The following COL25A1 variants were observed in gnomAD, a reference collection of about 807,000 sequenced individuals.
COL25A1 encodes collagen alpha-1(XXV) chain.
COL25A1 carries 103 observed loss-of-function variants against 128.4 expected under a neutral mutation model. The ratio of observed to expected loss-of-function variants is 0.80; its 90% CI spans 0.68 to 0.94. The LOEUF (loss-of-function observed/expected upper bound fraction) is 0.94, where lower values mean the gene tolerates loss of function less well. COL25A1 is among the 40% of genes least tolerant of loss of function. COL25A1 has a pLI of 0.00. For missense variants in COL25A1, 745 were observed against 840.0 expected (o/e 0.89, Z 1.40); for synonymous variants, 279 against 277.2 (o/e 1.01, Z -0.06).
At chr4:108,972,848 A>C (rs1281229478) in intron 8 of COL25A1, among the ~76,000 whole-genome samples, 1 of 152,178 alleles carries the variant, frequency 6.6e-6, no homozygotes, top group Non-Finnish European at 1.5e-5. Context: ...CTTAGTTTGT[A>C]ATGCAACATG....
At chr4:109,180,834 TTAAA>T (rs1237137435) in intron 3 of COL25A1, among the ~76,000 whole-genome samples, 1 of 152,172 alleles carries the variant, frequency 6.6e-6, no homozygotes, top group African/African-American at 2.4e-5. Context: ...AATGAAAAGA[TTAAA>T]TATTCATTGG....
At chr4:109,219,478 CT>C (rs1778270469) in intron 3 of COL25A1, among the ~76,000 whole-genome samples, 1 of 151,914 alleles carries the variant, frequency 6.6e-6, no homozygotes, top group Non-Finnish European at 1.5e-5. Flanking sequence ...CCCTATGTTC[CT>C]TGCTTCTTCC....
At chr4:108,830,070 C>T (rs1036453140) in intron 32 of COL25A1, among the ~76,000 whole-genome samples, 2 of 152,150 alleles carry the variant, frequency 1.3e-5, no homozygotes, top group Non-Finnish European at 2.9e-5. Context: ...ATTGTGTAAG[C>T]CATTTTGAAT....
chr4:108,819,261 A>C lies in COL25A1; in HGVS notation c.1914T>G (p.Pro638=). The C allele has an allele frequency of 1.9e-6, 3 of 1,608,454 alleles. No homozygotes were observed. The highest frequency in any genetic ancestry group is 2.5e-6 in the Non-Finnish European group (3 of 1,178,206). The change falls in exon 36 of 38, where the codon CCT becomes CCG. Residue 638 remains proline (P), a synonymous_variant. Coordinates refer to ENST00000399132, the MANE Select transcript of COL25A1 (RefSeq NM_198721.4). The part of the protein sequence containing the change: ...GQPGLDGLDA[P]CQLGPDGLPM... ...AAGAGAAATACTGTACCAATTGGCA[A>C]GGGGCATCCAGCCCATCCAGGCCAG...
At chr4:109,298,724 A>C (rs1321395932) in intron 3 of COL25A1, among the ~76,000 whole-genome samples, 1 of 152,254 alleles carries the variant, frequency 6.6e-6, no homozygotes, top group Non-Finnish European at 1.5e-5. Context: ...GTATTTCCAT[A>C]ATAGCAGTTT....
intron 6 of COL25A1, among the ~76,000 whole-genome samples, chr4:108,992,240 T>C (rs181212320): frequency 6.6e-6 from 1 of 152,318 alleles, no homozygotes; most frequent in Non-Finnish European, 1.5e-5. Context: ...AAAAGAGAGT[T>C]ATGAGGCTTT....
At chr4:109,149,277 T>C (rs1771241470) in intron 3 of COL25A1, among the ~76,000 whole-genome samples, 1 of 152,228 alleles carries the variant, frequency 6.6e-6, no homozygotes, top group Non-Finnish European at 1.5e-5. Flanking sequence ...ATTGGATCAT[T>C]TGTCATGATT....
At chr4:109,231,745 T>C (rs965784713) in intron 3 of COL25A1, among the ~76,000 whole-genome samples, 1 of 152,228 alleles carries the variant, frequency 6.6e-6, no homozygotes, top group Non-Finnish European at 1.5e-5. Flanking sequence ...CATGGAAGAA[T>C]GGAAATGCGC....
At chr4:109,112,548 G>C (rs1186675817) in intron 3 of COL25A1, among the ~76,000 whole-genome samples, 1 of 151,220 alleles carries the variant, frequency 6.6e-6, no homozygotes, top group African/African-American at 2.4e-5. Context: ...CTATTAAAAA[G>C]CAGATTTCAT....
chr4:109,288,188 C>T (rs1051125335), intron 3 of COL25A1, among the ~76,000 whole-genome samples: 3 of 152,114 alleles, frequency 2.0e-5, no homozygotes, highest in African/African-American at 7.2e-5. Flanking sequence ...CAGCCTTACT[C>T]AGGCCCAGGA....
At chr4:109,145,067 CTTT>C (rs11344199) in intron 3 of COL25A1, among the ~76,000 whole-genome samples, 8 of 109,138 alleles carry the variant, frequency 7.3e-5, no homozygotes, top group East Asian at 2.9e-4. Context: ...AAAACCTCAG[CTTT>C]TTTTTTTTTT....
intron 3 of COL25A1, among the ~76,000 whole-genome samples, chr4:109,091,300 C>T (rs1285263114): frequency 6.6e-6 from 1 of 152,160 alleles, no homozygotes; most frequent in African/African-American, 2.4e-5. Flanking sequence ...CTCACGAATA[C>T]CCTCTTCTCC....
intron 3 of COL25A1, among the ~76,000 whole-genome samples, chr4:109,245,866 T>C (rs148135418): frequency 1.8e-3 from 269 of 152,156 alleles, no homozygotes; most frequent in Middle Eastern, 6.8e-3. Flanking sequence ...CACCACATGA[T>C]AGGGATTTGT....
At position 109,092,167 on chromosome 4, in the gene COL25A1, C is replaced by T. The variant is rs561358877; in HGVS notation, c.368-41988G>A. 5.6e-4 allele frequency among the ~76,000 whole-genome samples: 85 copies of T among 152,204 alleles called. 1 individual carries two copies. Among genetic ancestry groups the T allele is most frequent in the African/African-American group, 2.0e-3 (82 of 41,528 alleles). ...GACAAGGGCCACTACCACAAGTCCA[C>T]GGGGAGATCTGAGACAGAGGCACAA... On this transcript the variant is annotated intron_variant, in intron 3 of 37. Coordinates refer to ENST00000399132, the MANE Select transcript of COL25A1 (RefSeq NM_198721.4).
intron 5 of COL25A1, among the ~76,000 whole-genome samples, chr4:109,024,286 G>A (rs544576854): frequency 9.2e-5 from 14 of 152,178 alleles, no homozygotes; most frequent in African/African-American, 2.9e-4. Context: ...ATAAATTAAG[G>A]AGCATCTGTA....
chr4:109,243,655 T>C (rs1023380103), intron 3 of COL25A1, among the ~76,000 whole-genome samples: 2 of 151,932 alleles, frequency 1.3e-5, no homozygotes, highest in African/African-American at 2.4e-5. Flanking sequence ...CTATCTACAA[T>C]GAGGACAGAA....
At chr4:109,034,127 G>A (rs928931054) in intron 5 of COL25A1, among the ~76,000 whole-genome samples, 1 of 152,118 alleles carries the variant, frequency 6.6e-6, no homozygotes, top group Non-Finnish European at 1.5e-5. Context: ...AAATGTAGTA[G>A]TATTGAAACC....
At chr4:108,963,794 T>A (rs1578908816) in intron 8 of COL25A1, among the ~76,000 whole-genome samples, 1 of 151,696 alleles carries the variant, frequency 6.6e-6, no homozygotes, top group Non-Finnish European at 1.5e-5. Context: ...AATGGAATAA[T>A]ATTAAATATA....
chr4:109,253,555 T>C (rs1473847219), intron 3 of COL25A1, among the ~76,000 whole-genome samples: 3 of 152,130 alleles, frequency 2.0e-5, no homozygotes, highest in Non-Finnish European at 4.4e-5. Context: ...AACACTGTAA[T>C]AGACACATCC....
Sources: allele counts gnomAD v4.1 joint callset (sites outside exome capture counted in the v4.1 genomes callset), GRCh38; gene constraint gnomAD v4.1.1; transcripts MANE v1.5; gene names NCBI Gene and HGNC (gene_info 2026-07-23, HGNC 2026-07-21).